Variants in VPS50 observed in about 807,000 individuals in gnomAD.
VPS50 encodes the protein VPS50 subunit of EARP/GARPII complex.
In VPS50, 70 loss-of-function variants were observed where a neutral mutation model predicts 139.7. That is an observed-to-expected ratio of 0.50 (90% CI 0.41 to 0.61). VPS50 has a LOEUF of 0.61. Among genes scored for constraint, VPS50 ranks in the 20% least tolerant of loss-of-function variants. The probability of loss-of-function intolerance (pLI) is 0.00; values close to 1 mark genes in which losing one functional copy is unlikely to be tolerated. For synonymous variants in VPS50, 365 were observed against 376.7 expected (o/e 0.97, Z 0.36); for missense variants, 921 against 1,133.7 (o/e 0.81, Z 2.69).
At chr7:93,256,980 G>A (rs1356611688) in intron 5 of VPS50, among the ~76,000 whole-genome samples, 2 of 152,102 alleles carry the variant, frequency 1.3e-5, no homozygotes, top group Non-Finnish European at 2.9e-5. Context: ...CCATTGAAAT[G>A]TCTACCAATG....
chr7:93,331,977 A>T (rs796125548), intron 21 of VPS50, among the ~76,000 whole-genome samples: 26 of 152,360 alleles, frequency 1.7e-4, no homozygotes, highest in African/African-American at 5.5e-4. Context: ...GATGTTTGAC[A>T]TCACTGTCAT....
chr7:93,265,179 T>C (rs1284467026), intron 9 of VPS50, among the ~76,000 whole-genome samples: 2 of 152,042 alleles, frequency 1.3e-5, no homozygotes, highest in African/African-American at 4.8e-5. Flanking sequence ...AATATATATA[T>C]ACAGACACAT....
At chr7:93,338,579 G>A (rs1017624835) in intron 22 of VPS50, among the ~76,000 whole-genome samples, 1 of 152,138 alleles carries the variant, frequency 6.6e-6, no homozygotes, top group East Asian at 1.9e-4. Flanking sequence ...AGGGGAAGGT[G>A]GGGAAGCCAA....
At chr7:93,334,268 A>G (rs1798013089) in intron 22 of VPS50, 71 bp downstream of exon 22, 1 of 861,686 alleles carries the variant, frequency 1.2e-6, no homozygotes, top group Non-Finnish European at 1.9e-6. Flanking sequence ...TCAATTTCAT[A>G]TAAATGTGTG....
At chr7:93,301,801 G>T (rs1407893002) in intron 16 of VPS50, among the ~76,000 whole-genome samples, 1 of 152,096 alleles carries the variant, frequency 6.6e-6, no homozygotes, top group Non-Finnish European at 1.5e-5. Context: ...TGGATCCTAT[G>T]GTAACGCTCT....
At chr7:93,347,852 G>A (rs1264420635) in intron 23 of VPS50, among the ~76,000 whole-genome samples, 1 of 149,524 alleles carries the variant, frequency 6.7e-6, no homozygotes, top group Non-Finnish European at 1.5e-5. Flanking sequence ...GGGAGGGATA[G>A]CACTGGGAGA....
intron 4 of VPS50, among the ~76,000 whole-genome samples, chr7:93,255,797 T>G (rs566231712): frequency 1.3e-5 from 2 of 152,278 alleles, no homozygotes; most frequent in East Asian, 3.9e-4. Context: ...TCAGTTGGCC[T>G]GGGGAAGGGG....
intron 20 of VPS50, chr7:93,320,846 C>T (rs1489729652): frequency 1.3e-5 from 2 of 152,500 alleles, no homozygotes; most frequent in Admixed American, 6.5e-5. Flanking sequence ...CCGTTTCTGA[C>T]TCCTGCAGTT....
intron 19 of VPS50, among the ~76,000 whole-genome samples, chr7:93,310,940 A>G (rs1169430238): frequency 6.6e-6 from 1 of 152,066 alleles, no homozygotes; most frequent in African/African-American, 2.4e-5. Flanking sequence ...AGTGGTTGAT[A>G]ATGTTTTATA....
At chr7:93,245,016 G>A (rs1403042505) in intron 2 of VPS50, among the ~76,000 whole-genome samples, 1 of 151,814 alleles carries the variant, frequency 6.6e-6, no homozygotes, top group African/African-American at 2.4e-5. Context: ...ACTAATCATT[G>A]AAGATGCAGA....
chr7:93,324,019 TTTA>T (rs1797694442), intron 21 of VPS50, among the ~76,000 whole-genome samples: 1 of 152,216 alleles, frequency 6.6e-6, no homozygotes, highest in Non-Finnish European at 1.5e-5. Flanking sequence ...GGTTGCTTTT[TTTA>T]AATCTGGCTC....
intron 12 of VPS50, among the ~76,000 whole-genome samples, chr7:93,285,401 A>T (rs1047594704): frequency 7.2e-5 from 11 of 152,240 alleles, no homozygotes; most frequent in African/African-American, 2.7e-4. Context: ...GTAGGGATTT[A>T]GTAATAGAGA....
chr7:93,331,042 T>A (rs1218642729), intron 21 of VPS50, among the ~76,000 whole-genome samples: 1 of 152,072 alleles, frequency 6.6e-6, no homozygotes, highest in East Asian at 1.9e-4. Flanking sequence ...CAAAATTTTT[T>A]AGAAATGTAA....
At chr7:93,333,067 A>G (rs28595783) in intron 21 of VPS50, among the ~76,000 whole-genome samples, 2,542 of 152,236 alleles carry the variant, frequency 0.017, 87 homozygotes, top group African/African-American at 0.058. Context: ...ATCAAACTGT[A>G]TACTTAAAAG....
At chr7:93,282,762 G>A (rs1269389228) in intron 12 of VPS50, among the ~76,000 whole-genome samples, 1 of 152,192 alleles carries the variant, frequency 6.6e-6, no homozygotes, top group Non-Finnish European at 1.5e-5. Flanking sequence ...CTTTCTTGCT[G>A]AATGCTACAA....
At chr7:93,257,752 A>AAAC in intron 6 of VPS50, 1 of 268,072 alleles carries the variant, frequency 3.7e-6, no homozygotes, top group Non-Finnish European at 6.9e-6. Flanking sequence ...AAAATTTCCA[A>AAAC]TCTGTTACAG....
At chr7:93,340,041 T>C (rs1236207395) in intron 22 of VPS50, among the ~76,000 whole-genome samples, 1 of 152,172 alleles carries the variant, frequency 6.6e-6, no homozygotes, top group Non-Finnish European at 1.5e-5. Context: ...AGAAATATAT[T>C]TGGTTATAAA....
chr7:93,266,264 A>G (rs1186343841), intron 9 of VPS50, among the ~76,000 whole-genome samples: 2 of 152,210 alleles, frequency 1.3e-5, no homozygotes, highest in Non-Finnish European at 2.9e-5. Context: ...TTCAGCATAT[A>G]ATAGAATCAT....
chr7:93,286,839 A>G (rs1204529096), intron 12 of VPS50, among the ~76,000 whole-genome samples: 1 of 152,122 alleles, frequency 6.6e-6, no homozygotes, highest in Non-Finnish European at 1.5e-5. Context: ...TGTTAAAAGC[A>G]TGAGAAGCAT....
Sources: allele counts gnomAD v4.1 joint callset (sites outside exome capture counted in the v4.1 genomes callset), GRCh38; gene constraint gnomAD v4.1.1; transcripts MANE v1.5; gene names NCBI Gene and HGNC (gene_info 2026-07-23, HGNC 2026-07-21).